The following FSTL5 variants were observed in gnomAD, a reference collection of about 807,000 sequenced individuals.
FSTL5 encodes follistatin like 5, also known as follistatin-related protein 5.
Under a neutral mutation model 89.1 loss-of-function variants are expected in FSTL5, and 62 were observed. The observed-to-expected ratio is 0.70, with a 90% confidence interval of 0.57 to 0.86. FSTL5 has a LOEUF of 0.86. Ranked by LOEUF, FSTL5 falls within the 40% of genes least tolerant of loss-of-function variation. FSTL5 has a pLI of 0.00. For synonymous variants in FSTL5, 383 were observed against 346.2 expected (o/e 1.11, Z -1.18); for missense variants, 1,057 against 1,001.6 (o/e 1.06, Z -0.75).
intron 8 of FSTL5, among the ~76,000 whole-genome samples, chr4:161,545,392 G>A (rs1488253086): frequency 6.6e-6 from 1 of 152,024 alleles, no homozygotes; most frequent in Non-Finnish European, 1.5e-5. Context: ...GACAACTTGA[G>A]AGGTTTTGTA....
chr4:161,933,798 A>T (rs902045133), intron 3 of FSTL5, among the ~76,000 whole-genome samples: 1 of 152,042 alleles, frequency 6.6e-6, no homozygotes, highest in Non-Finnish European at 1.5e-5. Context: ...ATCCCAATAA[A>T]AGAAACCTAG....
chr4:161,456,268 T>C (rs1017471445), intron 14 of FSTL5, among the ~76,000 whole-genome samples: 1 of 152,220 alleles, frequency 6.6e-6, no homozygotes, highest in Non-Finnish European at 1.5e-5. Flanking sequence ...TTGAAATTTT[T>C]GTAAGACACA....
intron 6 of FSTL5, among the ~76,000 whole-genome samples, chr4:161,700,379 A>G (rs948132399): frequency 1.2e-4 from 19 of 152,300 alleles, no homozygotes; most frequent in African/African-American, 3.8e-4. Context: ...GAAAATAATA[A>G]TATAAAATGA....
At chr4:161,691,873 C>T (rs1304971046) in intron 6 of FSTL5, among the ~76,000 whole-genome samples, 3 of 151,966 alleles carry the variant, frequency 2.0e-5, no homozygotes, top group Non-Finnish European at 4.4e-5. Context: ...TTTTATCCTG[C>T]ATCTATGCTG....
intron 15 of FSTL5, among the ~76,000 whole-genome samples, chr4:161,423,186 G>A (rs887715972): frequency 6.6e-6 from 1 of 152,078 alleles, no homozygotes; most frequent in Admixed American, 6.6e-5. Flanking sequence ...CCCTCATATG[G>A]AAAGTTCTTT....
chr4:161,767,810 AT>A (rs1741067047), intron 5 of FSTL5, among the ~76,000 whole-genome samples: 1 of 152,088 alleles, frequency 6.6e-6, no homozygotes, highest in Non-Finnish European at 1.5e-5. Context: ...TCAAAACAAC[AT>A]AAAAGAGAGC....
intron 6 of FSTL5, among the ~76,000 whole-genome samples, chr4:161,687,089 T>C (rs1737773420): frequency 3.3e-5 from 5 of 152,186 alleles, no homozygotes; most frequent in Admixed American, 2.6e-4. Context: ...AATTGCATTT[T>C]CATTATTATT....
intron 8 of FSTL5, among the ~76,000 whole-genome samples, chr4:161,566,125 TATATATATATACAC>T (rs1362202312): frequency 4.0e-5 from 3 of 75,534 alleles, no homozygotes; most frequent in South Asian, 4.7e-4. Flanking sequence ...TATATATATA[TATATATATATACAC>T]ACACACACAC....
rs527790366 is a variant in FSTL5, at chr4:162,149,759, C to T, written c.-17+13856G>A. Among the ~76,000 whole-genome samples the T allele has an allele frequency of 2.1e-4, 32 of 152,144 alleles. No homozygotes were observed. In the South Asian group the frequency reaches 6.2e-3, roughly 30 times the overall value. On this transcript the variant is annotated intron_variant, in intron 1 of 15. Coordinates refer to ENST00000306100, the MANE Select transcript of FSTL5 (RefSeq NM_020116.5). ...TATATATATAAGCACACACATATAG[C>T]GTGCTTCTGAAAAATATTTTTGTTC...
intron 2 of FSTL5, among the ~76,000 whole-genome samples, chr4:162,091,029 A>G (rs1284036463): frequency 3.9e-5 from 6 of 152,154 alleles, no homozygotes; most frequent in Admixed American, 3.9e-4. Flanking sequence ...TATATGTTAA[A>G]TACATTTAAT....
chr4:161,849,173 AAG>A (rs528111699), intron 4 of FSTL5, among the ~76,000 whole-genome samples: 198 of 152,328 alleles, frequency 1.3e-3, no homozygotes, highest in African/African-American at 4.4e-3. Flanking sequence ...AATCTTTAAA[AAG>A]AGTGCCCACT....
intron 6 of FSTL5, among the ~76,000 whole-genome samples, chr4:161,748,606 G>GTTTT (rs5863480): frequency 1.9e-5 from 2 of 103,514 alleles, no homozygotes; most frequent in Non-Finnish European, 4.1e-5. Context: ...GGGGAAGCAC[G>GTTTT]TTTTTTTTTT....
At chr4:161,961,673 A>C (rs1320477231) in intron 3 of FSTL5, among the ~76,000 whole-genome samples, 1 of 151,766 alleles carries the variant, frequency 6.6e-6, no homozygotes, top group African/African-American at 2.4e-5. Flanking sequence ...CCAAAAACTT[A>C]CTGTTAGCAA....
chr4:162,158,490 AG>A (rs1733569825), intron 1 of FSTL5, among the ~76,000 whole-genome samples: 1 of 152,064 alleles, frequency 6.6e-6, no homozygotes, highest in African/African-American at 2.4e-5. Flanking sequence ...AAATAATAAG[AG>A]GCATTTACAT....
At chr4:161,442,908 G>C (rs542288703) in intron 15 of FSTL5, among the ~76,000 whole-genome samples, 28 of 151,966 alleles carry the variant, frequency 1.8e-4, no homozygotes, top group Admixed American at 2.0e-4. Flanking sequence ...TGGAATTTGG[G>C]GCTCACTGGT....
chr4:161,868,620 A>C (rs908727909), intron 4 of FSTL5, among the ~76,000 whole-genome samples: 7 of 152,314 alleles, frequency 4.6e-5, no homozygotes, highest in Middle Eastern at 3.4e-3. Flanking sequence ...ACTACTTATC[A>C]TTGACTGTAT....
At chr4:161,931,932 T>C (rs1008446854) in intron 3 of FSTL5, among the ~76,000 whole-genome samples, 1 of 151,984 alleles carries the variant, frequency 6.6e-6, no homozygotes, top group South Asian at 2.1e-4. Context: ...CCAAACATCT[T>C]CAATTGTACC....
At chr4:161,749,599 C>T in intron 6 of FSTL5, among the ~76,000 whole-genome samples, 1 of 151,944 alleles carries the variant, frequency 6.6e-6, no homozygotes, top group Non-Finnish European at 1.5e-5. Context: ...AGATCAAGAC[C>T]ATCCTAGCTA....
chr4:161,427,048 AAATAGAATTTAGCT>A (rs1732189104), intron 15 of FSTL5, among the ~76,000 whole-genome samples: 1 of 152,228 alleles, frequency 6.6e-6, no homozygotes, highest in African/African-American at 2.4e-5. Context: ...TAAGTATACA[AAATAGAATTTAGCT>A]AGAGTTAGAG....
Sources: allele counts gnomAD v4.1 joint callset (sites outside exome capture counted in the v4.1 genomes callset), GRCh38; gene constraint gnomAD v4.1.1; transcripts MANE v1.5; gene names NCBI Gene and HGNC (gene_info 2026-07-23, HGNC 2026-07-21).